The following CTTNBP2 variants were observed in gnomAD, a reference collection of about 807,000 sequenced individuals.
CTTNBP2 encodes the protein cortactin-binding protein 2.
A neutral mutation model predicts 156.9 loss-of-function variants in CTTNBP2; 108 were observed. The ratio of observed to expected loss-of-function variants is 0.69; its 90% CI spans 0.59 to 0.81. CTTNBP2 has a LOEUF of 0.81. Among genes scored for constraint, CTTNBP2 ranks in the 30% least tolerant of loss-of-function variants. The pLI is 0.00. For synonymous variants in CTTNBP2, 767 were observed against 751.8 expected (o/e 1.02, Z -0.33); for missense variants, 1,924 against 2,035.4 (o/e 0.95, Z 1.05).
chr7:117,712,692 G>C lies in CTTNBP2; in HGVS notation c.4747-910C>G, dbSNP rs560826679. The stretch of plus-strand genomic sequence containing the variant: ...AAATCTGGCTTCATCTGGCAGTTGC[G>C]GCAGTTGCATTCTCCTGGGTATCGT... On this transcript the variant is annotated intron_variant, in intron 22 of 22. Transcript: ENST00000160373. Among the ~76,000 whole-genome samples, 3 of 152,190 alleles carry C rather than the reference G, an allele frequency of 2.0e-5. No homozygotes were observed. The East Asian group carries it at 5.8e-4, about 29-fold the overall frequency.
intron 12 of CTTNBP2, among the ~76,000 whole-genome samples, chr7:117,747,887 G>T (rs914054516): frequency 6.6e-6 from 1 of 152,198 alleles, no homozygotes; most frequent in African/African-American, 2.4e-5. Context: ...TTCAGACCAT[G>T]AGCTAAGAGG....
intron 19 of CTTNBP2, among the ~76,000 whole-genome samples, chr7:117,722,335 A>G (rs1296409634): frequency 6.6e-6 from 1 of 151,694 alleles, no homozygotes; most frequent in East Asian, 1.9e-4. Flanking sequence ...GGAAAAATTT[A>G]CCATTATAAA....
At chr7:117,785,532 TTAAGAC>T (rs550898447) in intron 4 of CTTNBP2, among the ~76,000 whole-genome samples, 143 of 152,342 alleles carry the variant, frequency 9.4e-4, no homozygotes, top group Non-Finnish European at 1.6e-3. Context: ...CACAGACCAA[TTAAGAC>T]TATTTTGTCC....
At chr7:117,834,260 G>A (rs911058719) in intron 2 of CTTNBP2, among the ~76,000 whole-genome samples, 36 of 151,980 alleles carry the variant, frequency 2.4e-4, no homozygotes, top group African/African-American at 8.7e-4. Context: ...TCACCTTTTT[G>A]GTCAGGCTGG....
At chr7:117,759,177 T>C (rs1457802680) in intron 10 of CTTNBP2, among the ~76,000 whole-genome samples, 1 of 152,158 alleles carries the variant, frequency 6.6e-6, no homozygotes, top group African/African-American at 2.4e-5. Flanking sequence ...GGCTTCATCA[T>C]AGCTCATTGC....
chr7:117,837,406 G>A (rs1369549070), intron 2 of CTTNBP2, among the ~76,000 whole-genome samples: 1 of 152,052 alleles, frequency 6.6e-6, no homozygotes, highest in Non-Finnish European at 1.5e-5. Flanking sequence ...CTCTCTCTCA[G>A]TATACCCCTG....
intron 21 of CTTNBP2, among the ~76,000 whole-genome samples, chr7:117,719,108 G>A (rs201658745): frequency 6.6e-6 from 1 of 152,096 alleles, no homozygotes; most frequent in Non-Finnish European, 1.5e-5. Flanking sequence ...GCTGAGGCAG[G>A]GAGAACTGCT....
Position 117,760,439 on chromosome 7 carries a change from C to G in CTTNBP2, c.3168G>C (p.Thr1056=). The G allele has an allele frequency of 1.2e-6, 2 of 1,613,460 alleles. No homozygotes were observed. Among genetic ancestry groups the G allele is most frequent in the Admixed American group, 1.7e-5 (1 of 60,002 alleles). Residue 1056 remains threonine, a synonymous_variant, in exon 10 of 23, where the codon ACG becomes ACC. Transcript: ENST00000160373. The part of the protein sequence containing the change: ...GLSARSIRSI[T]LGNVPWSVGQ... ...CCGTCATAGGACTGCTGATACCTAG[C>G]GTGATGGATCGTATGCTTCTTGCAC... is the stretch of plus-strand genomic sequence containing the variant.
intron 2 of CTTNBP2, among the ~76,000 whole-genome samples, chr7:117,812,837 A>G (rs542008085): frequency 6.6e-6 from 1 of 152,290 alleles, no homozygotes; most frequent in African/African-American, 2.4e-5. Flanking sequence ...GTTTTAATTT[A>G]ATAAAAGACC....
intron 2 of CTTNBP2, among the ~76,000 whole-genome samples, chr7:117,833,542 G>T (rs1349153127): frequency 2.0e-5 from 3 of 152,154 alleles, no homozygotes; most frequent in Admixed American, 2.0e-4. Flanking sequence ...CATCCTTCAA[G>T]AGCCACAGTG....
intron 8 of CTTNBP2, among the ~76,000 whole-genome samples, chr7:117,768,301 T>A (rs1403723200): frequency 6.6e-6 from 1 of 151,956 alleles, no homozygotes; most frequent in African/African-American, 2.4e-5. Context: ...GTGGCTCATG[T>A]CTGTAATCCC....
In CTTNBP2 at chr7:117,735,372, G is replaced by T. The variant is rs1304512560; in HGVS notation, c.3585C>A (p.Ile1195=). The change falls in exon 15 of 23, where the codon ATC becomes ATA. Residue 1195 remains isoleucine (I), a synonymous_variant. Transcript: ENST00000160373. ...KQSPSKKKII[I]ILENLEKSSL... is the part of the protein sequence containing the mutation. ...AAGATTTTTCTAAATTTTCTAAAAT[G>T]ATGATGATTTTCTTCTTACTGGGAG... The T allele has an allele frequency of 1.2e-6, 2 of 1,613,248 alleles. No individual in the cohort carries two copies. The highest frequency in any genetic ancestry group is 1.7e-6 in the Non-Finnish European group (2 of 1,179,362).
intron 1 of CTTNBP2, among the ~76,000 whole-genome samples, chr7:117,863,603 G>A (rs1584578692): frequency 1.3e-5 from 2 of 152,202 alleles, no homozygotes; most frequent in African/African-American, 2.4e-5. Flanking sequence ...GCTGGTCCAC[G>A]GACTACATGG....
At chr7:117,768,732 G>A (rs1797650319) in intron 8 of CTTNBP2, among the ~76,000 whole-genome samples, 1 of 152,002 alleles carries the variant, frequency 6.6e-6, no homozygotes, top group South Asian at 2.1e-4. Flanking sequence ...CCCCGCAGAG[G>A]CAACTACTAT....
At position 117,717,894 on chromosome 7, in the gene CTTNBP2, C is replaced by CTAT. The variant is rs1014713978; in HGVS notation, c.4746+121_4746+123dup. 18 of 640,178 alleles carry CTAT rather than the reference C, an allele frequency of 2.8e-5. No individual in the cohort carries two copies. The African/African-American group carries it at 3.3e-4, about 12-fold the overall frequency. The allele number at this position is 640,178 out of a possible 1,614,324, so 39.7% of individuals were successfully genotyped here. A position where few individuals can be genotyped will look rare whatever the true frequency, so the allele number is the denominator to read the frequency against. ...CCTAATGAACACTTTTACCTTTATC[C>CTAT]TATTTCTCAGTTCTTAGCTTTGGTT... is the stretch of plus-strand genomic sequence containing the variant. On this transcript the variant is annotated intron_variant, in intron 22 of 22. Coordinates refer to ENST00000160373, the MANE Select transcript of CTTNBP2 (RefSeq NM_033427.3).
chr7:117,820,611 A>G (rs1800900070), intron 2 of CTTNBP2, among the ~76,000 whole-genome samples: 1 of 152,188 alleles, frequency 6.6e-6, no homozygotes, highest in Non-Finnish European at 1.5e-5. Context: ...CAATTTTTCA[A>G]TCATCTGCTG....
chr7:117,817,349 AAAAAAAAAAAAAAT>A (rs1219004788), intron 2 of CTTNBP2, among the ~76,000 whole-genome samples: 9 of 74,016 alleles, frequency 1.2e-4, no homozygotes, highest in African/African-American at 3.2e-4. Flanking sequence ...AAAAAAAAAA[AAAAAAAAAAAAAAT>A]ATATATATAT....
intron 2 of CTTNBP2, among the ~76,000 whole-genome samples, chr7:117,845,256 T>A (rs1410884075): frequency 6.6e-6 from 1 of 152,168 alleles, no homozygotes; most frequent in Admixed American, 6.5e-5. Flanking sequence ...AACTGAGGTT[T>A]CAGTAAATAA....
intron 17 of CTTNBP2, among the ~76,000 whole-genome samples, chr7:117,727,686 A>G (rs1447196201): frequency 6.6e-6 from 1 of 152,168 alleles, no homozygotes; most frequent in Non-Finnish European, 1.5e-5. Context: ...TTCTCATAAG[A>G]TGCTTCAAAG....
Sources: allele counts gnomAD v4.1 joint callset (sites outside exome capture counted in the v4.1 genomes callset), GRCh38; gene constraint gnomAD v4.1.1; transcripts MANE v1.5; gene names NCBI Gene and HGNC (gene_info 2026-07-23, HGNC 2026-07-21).